The following CYRIB variants were observed in gnomAD, a reference collection of about 807,000 sequenced individuals.
CYRIB encodes CYFIP-related Rac1 interactor B.
A neutral mutation model predicts 44.2 loss-of-function variants in CYRIB; 8 were observed. The ratio of observed to expected loss-of-function variants is 0.18; its 90% CI spans 0.11 to 0.33. The LOEUF is 0.33. Ranked by LOEUF, CYRIB falls within the 10% of genes least tolerant of loss-of-function variation. The pLI is 1.00. For synonymous variants in CYRIB, 131 were observed against 127.2 expected, an observed-to-expected ratio of 1.03 and a Z score of -0.20; for missense variants, 185 against 382.8, an observed-to-expected ratio of 0.48 and a Z score of 4.31.
chr8:129,893,597 G>C (rs190483485), intron 2 of CYRIB, among the ~76,000 whole-genome samples: 1 of 152,200 alleles, frequency 6.6e-6, no homozygotes, highest in East Asian at 1.9e-4. Flanking sequence ...TTTAGCAATA[G>C]TTGCTTCAGA....
chr8:129,945,651 C>G (rs566559655), intron 2 of CYRIB, among the ~76,000 whole-genome samples: 1 of 152,304 alleles, frequency 6.6e-6, no homozygotes, highest in Admixed American at 6.5e-5. Flanking sequence ...TCACTGCAGC[C>G]TCCGCCTCCC....
chr8:129,980,189 C>G (rs911996011), intron 1 of CYRIB, among the ~76,000 whole-genome samples: 27 of 144,510 alleles, frequency 1.9e-4, no homozygotes, highest in African/African-American at 5.9e-4. Context: ...GATTGCACCA[C>G]TGCACTCCAG....
At chr8:129,995,452 G>A (rs2096743721) in intron 1 of CYRIB, among the ~76,000 whole-genome samples, 1 of 152,244 alleles carries the variant, frequency 6.6e-6, no homozygotes, top group African/African-American at 2.4e-5. Context: ...AAGCCATTCA[G>A]CATCAGTTAC....
chr8:129,919,315 C>T (rs1201137480), intron 1 of CYRIB, among the ~76,000 whole-genome samples: 1 of 152,146 alleles, frequency 6.6e-6, no homozygotes, highest in Non-Finnish European at 1.5e-5. Context: ...GATTTTAAGA[C>T]TATGAAAAAT....
chr8:129,888,469 ATCTT>A (rs1393046465), intron 2 of CYRIB, among the ~76,000 whole-genome samples: 1 of 152,188 alleles, frequency 6.6e-6, no homozygotes, highest in African/African-American at 2.4e-5. Flanking sequence ...CTCTGGCCTC[ATCTT>A]TCTTTACTCT....
intron 2 of CYRIB, among the ~76,000 whole-genome samples, chr8:129,902,326 C>A (rs1316265070): frequency 6.6e-6 from 1 of 152,214 alleles, no homozygotes; most frequent in African/African-American, 2.4e-5. Context: ...TCAAGCAATT[C>A]TCCCGCCTCA....
intron 1 of CYRIB, among the ~76,000 whole-genome samples, chr8:129,985,757 G>A (rs1057449753): frequency 4.6e-5 from 7 of 152,200 alleles, no homozygotes; most frequent in South Asian, 2.1e-4. Flanking sequence ...CAGAGCAGTC[G>A]CCCTCCACTT....
intron 10 of CYRIB, chr8:129,847,224 G>C (rs981680892): frequency 2.3e-5 from 4 of 174,762 alleles, no homozygotes; most frequent in African/African-American, 7.2e-5. Flanking sequence ...AACACTTTGG[G>C]AGGCTGAGGC....
intron 2 of CYRIB, among the ~76,000 whole-genome samples, chr8:129,953,017 C>A (rs1392449222): frequency 6.6e-6 from 1 of 152,124 alleles, no homozygotes; most frequent in African/African-American, 2.4e-5. Context: ...GAAAGAGGCC[C>A]ACATTCTAAG....
rs138862466 is a variant in CYRIB, at chr8:130,013,782, C to T, written c.-296+2588G>A. ...CAGGATTCCACATAGGGAGGAACCA[C>T]GGGACAACCATTTCAAGGTCAACTG... is the stretch of plus-strand genomic sequence containing the variant. On this transcript the variant is annotated intron_variant, in intron 1 of 14. Transcript: ENST00000401979. Among the ~76,000 whole-genome samples, 70 of 152,232 alleles carry T rather than the reference C, an allele frequency of 4.6e-4. No homozygotes were observed. In the East Asian group the frequency reaches 0.012, roughly 26 times the overall value.
At chr8:129,930,240 T>C (rs941291741) in intron 1 of CYRIB, among the ~76,000 whole-genome samples, 2 of 149,924 alleles carry the variant, frequency 1.3e-5, no homozygotes, top group African/African-American at 4.9e-5. Context: ...ATAAAACTGT[T>C]CATTCATCTC....
intron 4 of CYRIB, among the ~76,000 whole-genome samples, chr8:129,867,513 T>C (rs1387720877): frequency 1.3e-5 from 2 of 151,972 alleles, no homozygotes; most frequent in Non-Finnish European, 2.9e-5. Flanking sequence ...CTCTAGGTGG[T>C]TAATCCTAGA....
intron 1 of CYRIB, among the ~76,000 whole-genome samples, chr8:129,915,625 T>C (rs917139689): frequency 4.6e-5 from 7 of 152,208 alleles, no homozygotes; most frequent in Admixed American, 1.3e-4. Context: ...ATTATCTTGA[T>C]TGTGGTGATG....
At position 129,917,450 on chromosome 8, in the gene CYRIB, G is replaced by C. The variant is rs181787616; in HGVS notation, c.-49-14100C>G. 1.8e-4 allele frequency among the ~76,000 whole-genome samples: 27 copies of C among 151,766 alleles called. No individual in the cohort carries two copies. The East Asian group carries it at 2.1e-3, about 12-fold the overall frequency. ...AATAATCCTTCTAATGCAGAAACCT[G>C]ATCACATATCTACACATCATCCTTC... is the stretch of plus-strand genomic sequence containing the variant. On this transcript the variant is annotated intron_variant, in intron 1 of 11. Transcript: ENST00000519824.
intron 2 of CYRIB, chr8:129,879,810 C>T (rs141901052): frequency 4.7e-6 from 1 of 210,598 alleles, no homozygotes; most frequent in Non-Finnish European, 9.5e-6. Context: ...AATTTCTGAT[C>T]AAGAATTATT....
chr8:129,962,636 T>A (rs1314194977), intron 2 of CYRIB, among the ~76,000 whole-genome samples: 1 of 135,200 alleles, frequency 7.4e-6, no homozygotes, highest in African/African-American at 2.5e-5. Context: ...TCAGCTAATT[T>A]AATGGTATCC....
intron 1 of CYRIB, among the ~76,000 whole-genome samples, chr8:129,992,726 T>C (rs1324168962): frequency 6.6e-6 from 1 of 152,180 alleles, no homozygotes; most frequent in East Asian, 1.9e-4. Flanking sequence ...ATGTATGTGT[T>C]TATTATACCT....
chr8:129,850,165 T>C (rs1321117384), intron 9 of CYRIB: 1 of 152,258 alleles, frequency 6.6e-6, no homozygotes, highest in Non-Finnish European at 1.5e-5. Flanking sequence ...AATGAGATGA[T>C]GTACAGTATA....
chr8:129,865,142 A>T (rs906321514), intron 4 of CYRIB: 2 of 152,960 alleles, frequency 1.3e-5, no homozygotes, highest in African/African-American at 4.8e-5. Flanking sequence ...TTTCAAAAAC[A>T]GTCTGCAGAT....
Sources: allele counts gnomAD v4.1 joint callset (sites outside exome capture counted in the v4.1 genomes callset), GRCh38; gene constraint gnomAD v4.1.1; transcripts MANE v1.5; gene names NCBI Gene and HGNC (gene_info 2026-07-23, HGNC 2026-07-21).